Variants in ENAH observed in about 807,000 individuals in gnomAD.
The protein encoded by ENAH is ENAH actin regulator.
A neutral mutation model predicts 78.7 loss-of-function variants in ENAH; 23 were observed. The observed-to-expected ratio is 0.29, with a 90% CI of 0.21 to 0.41. The LOEUF (loss-of-function observed/expected upper bound fraction) is 0.41. ENAH is among the 10% of genes least tolerant of loss of function. The pLI, the probability that ENAH is intolerant of heterozygous loss-of-function variation, is 1.00. For missense variants in ENAH, 544 were observed against 691.0 expected (o/e 0.79, Z 2.39); for synonymous variants, 226 against 241.0 (o/e 0.94, Z 0.58).
chr1:225,520,822 C>T (rs920093997), intron 4 of ENAH, among the ~76,000 whole-genome samples: 1 of 151,764 alleles, frequency 6.6e-6, no homozygotes, highest in African/African-American at 2.4e-5. Flanking sequence ...CATCATCACA[C>T]ATCAGCCCAG....
At chr1:225,601,700 G>A (rs1206440730) in intron 1 of ENAH, among the ~76,000 whole-genome samples, 1 of 151,736 alleles carries the variant, frequency 6.6e-6, no homozygotes, top group Non-Finnish European at 1.5e-5. Flanking sequence ...GTAGGCACAA[G>A]GGCATACAGA....
At chr1:225,593,819 G>A (rs1393981501) in intron 1 of ENAH, among the ~76,000 whole-genome samples, 1 of 152,192 alleles carries the variant, frequency 6.6e-6, no homozygotes, top group Non-Finnish European at 1.5e-5. Context: ...AAACAAGGTA[G>A]AATAGTAATT....
intron 1 of ENAH, among the ~76,000 whole-genome samples, chr1:225,584,661 A>T (rs990251506): frequency 1.3e-5 from 2 of 152,162 alleles, no homozygotes; most frequent in Non-Finnish European, 2.9e-5. Context: ...ATGCACTTTA[A>T]ATATACAGAA....
chr1:225,514,726 G>A lies in ENAH; in HGVS notation c.1088C>T (p.Pro363Leu). Residue 363 changes from proline (P) to leucine (L), a missense_variant, in exon 7 of 14, where the codon CCT (proline) becomes CTT (leucine). Transcript: ENST00000366843. ...PPPLPNQVPP[P>L]PPPPPAPPLP... ...GGGTGGGGCAGGAGGTGGTGGAGGA[G>A]GAGGGGGTACTTGATTAGGGAGAGG... 3.3e-6 allele frequency: 5 copies of A among 1,530,044 alleles called. No individual in the cohort carries two copies. The highest frequency in any genetic ancestry group is 4.5e-6 in the Non-Finnish European group (5 of 1,113,314). 94.8% of individuals were successfully genotyped at this position (1,530,044 alleles called of 1,614,324 possible).
At chr1:225,531,103 A>C (rs1434823114) in intron 3 of ENAH, 1 of 398,428 alleles carries the variant, frequency 2.5e-6, no homozygotes, top group Non-Finnish European at 4.4e-6. Flanking sequence ...GAACCTTATT[A>C]CTAGACTCCA....
chr1:225,530,586 G>A lies in ENAH; in HGVS notation c.402C>T (p.Gly134=), dbSNP rs139065275. 2 of 1,613,342 alleles carry A rather than the reference G, an allele frequency of 1.2e-6. No individual in the cohort carries two copies. Among genetic ancestry groups the A allele is most frequent in the African/African-American group, 1.3e-5 (1 of 74,860 alleles). The stretch of plus-strand genomic sequence containing the variant: ...GAATTTCCAATTCTTCTTGGGATGG[G>A]CCATTTTGAACTTGAGCAGGTAGTT... ...NSQLPAQVQN[G]PSQEELEIQR... The change falls in exon 4 of 14, where the codon GGC becomes GGT. Residue 134 remains glycine (G), a synonymous_variant. Coordinates refer to ENST00000366843, the MANE Select transcript of ENAH (RefSeq NM_018212.6).
chr1:225,628,384 A>T (rs1658337513), intron 1 of ENAH, among the ~76,000 whole-genome samples: 1 of 152,194 alleles, frequency 6.6e-6, no homozygotes, highest in African/African-American at 2.4e-5. Flanking sequence ...GGGGAAAAAA[A>T]CCTTTGGGTT....
chr1:225,649,104 C>A (rs1027034566), intron 1 of ENAH, among the ~76,000 whole-genome samples: 1 of 152,096 alleles, frequency 6.6e-6, no homozygotes, highest in Non-Finnish European at 1.5e-5. Context: ...AAAGTACCTT[C>A]TATTATCATT....
At chr1:225,549,458 C>T (rs908768998) in intron 3 of ENAH, among the ~76,000 whole-genome samples, 1 of 152,112 alleles carries the variant, frequency 6.6e-6, no homozygotes, top group African/African-American at 2.4e-5. Flanking sequence ...TCTCTCCTTC[C>T]CGGCCTGCCC....
rs776012515 is a variant in ENAH, at chr1:225,652,378, C to G, written c.5+308G>C. 8.1e-4 allele frequency: 795 copies of G among 985,396 alleles called. 1 individual carries two copies. Among genetic ancestry groups the G allele is most frequent in the Non-Finnish European group, 8.9e-4 (738 of 829,926 alleles). 61.0% of individuals were successfully genotyped at this position (985,396 alleles called of 1,614,324 possible). On this transcript the variant is annotated intron_variant, in intron 1 of 13. Transcript: ENST00000366843. ...ACCCCTCCCCATCTCCCGGGTTTCGCTTGCAAAGGCTTGGGGGAGGGAGCC... is the reference window on the plus strand; with the variant it reads ...ACCCCTCCCCATCTCCCGGGTTTCGGTTGCAAAGGCTTGGGGGAGGGAGCC...
chr1:225,633,913 G>C (rs1659576116), intron 1 of ENAH, among the ~76,000 whole-genome samples: 1 of 152,038 alleles, frequency 6.6e-6, no homozygotes, highest in Admixed American at 6.6e-5. Context: ...TGAGGCCTCT[G>C]GATCAGTAAG....
rs1034910108 is a variant in ENAH, at chr1:225,547,980, C to G, written c.349+6926G>C. Among the ~76,000 whole-genome samples, 6 of 152,242 alleles carry G rather than the reference C, an allele frequency of 3.9e-5. No homozygotes were observed. The South Asian group carries it at 1.2e-3, about 32-fold the overall frequency. On this transcript the variant is annotated intron_variant, in intron 3 of 13. Coordinates refer to ENST00000366843, the MANE Select transcript of ENAH (RefSeq NM_018212.6). ...CTTGTGTGTTATGGTTGTGCCTTAC[C>G]TCCCCTGTAAGAGGAGAAAGAAGAT...
At chr1:225,623,953 T>C (rs940423110) in intron 1 of ENAH, among the ~76,000 whole-genome samples, 1 of 152,210 alleles carries the variant, frequency 6.6e-6, no homozygotes, top group African/African-American at 2.4e-5. Flanking sequence ...CCAGTGTTTA[T>C]TGTTCCCATC....
At chr1:225,537,978 C>A (rs142349689) in intron 3 of ENAH, among the ~76,000 whole-genome samples, 1 of 152,124 alleles carries the variant, frequency 6.6e-6, no homozygotes, top group South Asian at 2.1e-4. Flanking sequence ...CCAGCAGTTT[C>A]TCCTATTAGC....
intron 1 of ENAH, among the ~76,000 whole-genome samples, chr1:225,640,550 A>C (rs989521069): frequency 2.0e-5 from 3 of 152,174 alleles, no homozygotes; most frequent in Non-Finnish European, 2.9e-5. Flanking sequence ...ACCATTACAA[A>C]CAGTTATGTA....
intron 4 of ENAH, among the ~76,000 whole-genome samples, chr1:225,523,989 T>C (rs2096488004): frequency 6.6e-6 from 1 of 152,200 alleles, no homozygotes; most frequent in Admixed American, 6.5e-5. Flanking sequence ...ACTACTTTAA[T>C]TTTTCTTTTA....
chr1:225,534,905 T>C (rs2096554470), intron 3 of ENAH, among the ~76,000 whole-genome samples: 1 of 152,126 alleles, frequency 6.6e-6, no homozygotes, highest in Non-Finnish European at 1.5e-5. Context: ...ATGCAAACAA[T>C]ACATATATGT....
intron 1 of ENAH, among the ~76,000 whole-genome samples, chr1:225,626,833 T>C (rs186936170): frequency 7.2e-4 from 109 of 152,340 alleles, no homozygotes; most frequent in African/African-American, 2.5e-3. Context: ...ATAAATACAC[T>C]ACAAAGGCAC....
intron 4 of ENAH, among the ~76,000 whole-genome samples, chr1:225,522,247 C>A (rs1444183996): frequency 1.3e-5 from 2 of 152,054 alleles, no homozygotes; most frequent in Non-Finnish European, 2.9e-5. Context: ...TAAGATCTTT[C>A]CAAAAATCTC....
Sources: allele counts gnomAD v4.1 joint callset (sites outside exome capture counted in the v4.1 genomes callset), GRCh38; gene constraint gnomAD v4.1.1; transcripts MANE v1.5; gene names NCBI Gene and HGNC (gene_info 2026-07-23, HGNC 2026-07-21).